The following COL19A1 variants were observed in gnomAD, a reference collection of about 807,000 sequenced individuals.
COL19A1 encodes the protein collagen alpha-1(XIX) chain.
Under a neutral mutation model 190.2 loss-of-function variants are expected in COL19A1, and 159 were observed. That is an observed-to-expected ratio of 0.84 (90% CI 0.73 to 0.95). The LOEUF is 0.95. COL19A1 is among the 40% of genes least tolerant of loss of function. The pLI is 0.00. For synonymous variants in COL19A1, 509 were observed against 458.9 expected (o/e 1.11, Z -1.39); for missense variants, 1,418 against 1,431.9 (o/e 0.99, Z 0.16).
At chr6:70,067,207 T>C in intron 14 of COL19A1, among the ~76,000 whole-genome samples, 1 of 152,084 alleles carries the variant, frequency 6.6e-6, no homozygotes. Flanking sequence ...AGTTTGGCTG[T>C]GATGTGAATG....
intron 11 of COL19A1, among the ~76,000 whole-genome samples, chr6:70,017,467 T>C (rs1014117543): frequency 6.6e-6 from 1 of 152,140 alleles, no homozygotes; most frequent in African/African-American, 2.4e-5. Flanking sequence ...AGTGTATCAG[T>C]ATTATGGCAA....
At position 70,042,387 on chromosome 6, in the gene COL19A1, C is replaced by T. The variant is rs1377917359; in HGVS notation, c.1170+6448C>T. On this transcript the variant is annotated intron_variant, in intron 14 of 50. Coordinates refer to ENST00000620364, the MANE Select transcript of COL19A1 (RefSeq NM_001858.6). ...TATAAAAGTTATGTTTATATTATAC[C>T]ATGTCCTATAAAATGTGCAATTTAT... is the stretch of plus-strand genomic sequence containing the variant. Among the ~76,000 whole-genome samples the T allele has an allele frequency of 2.6e-5, 4 of 152,062 alleles. No homozygotes were observed. In the South Asian group the frequency reaches 6.2e-4, roughly 24 times the overall value.
chr6:69,993,408 T>G (rs1392709651), intron 11 of COL19A1, among the ~76,000 whole-genome samples: 1 of 152,080 alleles, frequency 6.6e-6, no homozygotes, highest in Non-Finnish European at 1.5e-5. Flanking sequence ...GGATATTGAC[T>G]TGAAATTTTC....
intron 9 of COL19A1, among the ~76,000 whole-genome samples, chr6:69,951,324 A>G (rs888340416): frequency 6.6e-6 from 1 of 151,966 alleles, no homozygotes; most frequent in Non-Finnish European, 1.5e-5. Context: ...ATTAAATAAG[A>G]TTATTCATAA....
chr6:70,211,421 G>A lies in COL19A1; in HGVS notation c.*4147G>A, dbSNP rs1028448333. 9.9e-5 allele frequency among the ~76,000 whole-genome samples: 15 copies of A among 151,726 alleles called. No individual in the cohort carries two copies. Among genetic ancestry groups the A allele is most frequent in the African/African-American group, 3.1e-4 (13 of 41,324 alleles). ...TGAAGACACACAAGTGTTTACTGTCGCAGTTTCCCAGCGTTATTTCTTAAT... is the reference window on the plus strand; with the variant it reads ...TGAAGACACACAAGTGTTTACTGTCACAGTTTCCCAGCGTTATTTCTTAAT... On this transcript the variant is annotated 3_prime_UTR_variant, in exon 51 of 51. Coordinates refer to ENST00000620364, the MANE Select transcript of COL19A1 (RefSeq NM_001858.6).
chr6:69,924,695 CCCA>C (rs1562002782), intron 4 of COL19A1, among the ~76,000 whole-genome samples: 2 of 152,206 alleles, frequency 1.3e-5, no homozygotes, highest in Admixed American at 6.5e-5. Context: ...AGTTCACAGT[CCCA>C]CCAACAGTGT....
At chr6:69,966,144 G>A (rs1470343270) in intron 11 of COL19A1, among the ~76,000 whole-genome samples, 2 of 152,118 alleles carry the variant, frequency 1.3e-5, no homozygotes, top group African/African-American at 2.4e-5. Context: ...GAAGCCGTCC[G>A]GGAGGTGGGG....
At chr6:69,866,901 C>T (rs547021087) in intron 1 of COL19A1, among the ~76,000 whole-genome samples, 30 of 152,152 alleles carry the variant, frequency 2.0e-4, no homozygotes, top group African/African-American at 6.7e-4. Flanking sequence ...AGTTCGTGTT[C>T]CTATGTTCAC....
intron 44 of COL19A1, among the ~76,000 whole-genome samples, chr6:70,181,544 G>A (rs891067892): frequency 7.2e-5 from 11 of 151,802 alleles, no homozygotes; most frequent in Admixed American, 3.9e-4. Context: ...TATGCAAAAA[G>A]CAATTTGTTC....
intron 16 of COL19A1, among the ~76,000 whole-genome samples, chr6:70,113,698 C>T (rs1421289761): frequency 6.6e-6 from 1 of 152,080 alleles, no homozygotes; most frequent in Non-Finnish European, 1.5e-5. Flanking sequence ...TAACTCTGAT[C>T]TTTCTTTCTC....
chr6:70,046,833 G>T (rs183670969), intron 14 of COL19A1, among the ~76,000 whole-genome samples: 11 of 152,152 alleles, frequency 7.2e-5, no homozygotes, highest in Middle Eastern at 3.4e-3. Flanking sequence ...TGAGACTTAT[G>T]GTTTCAACAG....
chr6:69,960,063 A>T, intron 10 of COL19A1, 23 bp downstream of exon 10: 1 of 1,601,820 alleles, frequency 6.2e-7, no homozygotes, highest in Middle Eastern at 1.7e-4. Context: ...TGAATGTTTC[A>T]TCTGAGTTAA....
At position 69,926,087 on chromosome 6, in the gene COL19A1, C is replaced by T. The variant is rs1215664174; in HGVS notation, c.267-1822C>T. Reference sequence around the variant, plus strand: ...ATTGAATACCCTTTATTTCTTTCTCCTGCATGATTGCCCTGGCCAGAACTT... The same window carrying T: ...ATTGAATACCCTTTATTTCTTTCTCTTGCATGATTGCCCTGGCCAGAACTT... On this transcript the variant is annotated intron_variant, in intron 4 of 50. Coordinates refer to ENST00000620364, the MANE Select transcript of COL19A1 (RefSeq NM_001858.6). Among the ~76,000 whole-genome samples the T allele has an allele frequency of 1.2e-4, 19 of 152,170 alleles. 1 individual carries two copies. In the South Asian group the frequency reaches 3.5e-3, roughly 28 times the overall value.
chr6:70,021,111 A>C (rs1205563263), intron 11 of COL19A1, among the ~76,000 whole-genome samples: 1 of 152,144 alleles, frequency 6.6e-6, no homozygotes, highest in Non-Finnish European at 1.5e-5. Flanking sequence ...AAATCAAATA[A>C]ATTTTAATGA....
chr6:69,940,607 T>C (rs1773408510), intron 9 of COL19A1, among the ~76,000 whole-genome samples: 1 of 152,194 alleles, frequency 6.6e-6, no homozygotes. Context: ...ATATTAACAT[T>C]TGTTTTAAAT....
At chr6:69,974,806 CTTTT>C (rs35518948) in intron 11 of COL19A1, among the ~76,000 whole-genome samples, 153 of 93,056 alleles carry the variant, frequency 1.6e-3, no homozygotes, top group African/African-American at 7.0e-3. Context: ...AGACAGCTTC[CTTTT>C]TTTTTTTTTT....
rs181200941 is a variant in COL19A1 at position 69,990,154 on chromosome 6, A to C, written c.1026+27284A>C. On this transcript the variant is annotated intron_variant, in intron 11 of 50. Transcript: ENST00000620364. ...ATTTCAAATAAACACAAAAGTGTGC[A>C]GAATAAAATATTGAACACCTGTATA... is the stretch of plus-strand genomic sequence containing the variant. 2.8e-3 allele frequency among the ~76,000 whole-genome samples: 423 copies of C among 152,252 alleles called. 3 individuals carry two copies. Among genetic ancestry groups the C allele is most frequent in the African/African-American group, 9.4e-3 (392 of 41,576 alleles).
chr6:69,951,542 A>T (rs1177870964), intron 9 of COL19A1, among the ~76,000 whole-genome samples: 1 of 151,944 alleles, frequency 6.6e-6, no homozygotes, highest in African/African-American at 2.4e-5. Context: ...ATTTACAGGA[A>T]AATGTTAAAG....
intron 1 of COL19A1, among the ~76,000 whole-genome samples, chr6:69,868,958 T>A (rs148696082): frequency 1.3e-5 from 2 of 151,838 alleles, no homozygotes; most frequent in Non-Finnish European, 2.9e-5. Context: ...GAAAATTCAA[T>A]TGAAGTATGA....
Sources: gnomAD v4.1 joint callset for allele counts (sites outside exome capture counted in the v4.1 genomes callset) on GRCh38, gnomAD v4.1.1 for gene constraint, MANE v1.5 for transcripts, NCBI Gene and HGNC (gene_info 2026-07-23, HGNC 2026-07-21) for gene names.